Variants in EPS8 observed in about 807,000 individuals in gnomAD.
EPS8 encodes the protein EGFR pathway substrate 8, signaling adaptor, also known as epidermal growth factor receptor kinase substrate 8.
A neutral mutation model predicts 103.8 loss-of-function variants in EPS8; 42 were observed. That is an observed-to-expected ratio of 0.40 (90% CI 0.32 to 0.52). EPS8 has a LOEUF of 0.52. Among genes scored for constraint, EPS8 ranks in the 20% least tolerant of loss-of-function variants. The pLI is 0.40. For missense variants in EPS8, 969 were observed against 1,005.1 expected (o/e 0.96, Z 0.49); for synonymous variants, 344 against 344.6 (o/e 1.00, Z 0.02).
chr12:15,658,250 A>C (rs1481053640), intron 11 of EPS8, 97 bp from the exon 12 acceptor site: 1 of 789,622 alleles, frequency 1.3e-6, no homozygotes, highest in Non-Finnish European at 2.1e-6. Context: ...CTTTACCACC[A>C]GATTCAGTTT....
At chr12:15,657,660 C>T (rs1222501480) in intron 12 of EPS8, among the ~76,000 whole-genome samples, 1 of 152,118 alleles carries the variant, frequency 6.6e-6, no homozygotes, top group Non-Finnish European at 1.5e-5. Flanking sequence ...TGAAGGAACA[C>T]CTCGATAAAA....
At chr12:15,683,154 T>C (rs1946038653) in intron 1 of EPS8, 182 bp from the exon 2 acceptor site, 1 of 396,018 alleles carries the variant, frequency 2.5e-6, no homozygotes, top group Non-Finnish European at 4.4e-6. Context: ...TAAACAAAGA[T>C]CCAACTGGCA....
At chr12:15,750,238 G>A (rs868476227) in intron 1 of EPS8, among the ~76,000 whole-genome samples, 3 of 152,254 alleles carry the variant, frequency 2.0e-5, no homozygotes, top group Middle Eastern at 6.8e-3. Flanking sequence ...AGCAAGCTTG[G>A]CTTTACACTA....
chr12:15,750,740 T>C (rs1015028579), intron 1 of EPS8, among the ~76,000 whole-genome samples: 1 of 152,196 alleles, frequency 6.6e-6, no homozygotes, highest in Non-Finnish European at 1.5e-5. Context: ...TGATACTGAA[T>C]AGAAACATAC....
chr12:15,707,956 A>G (rs1385776023), intron 1 of EPS8, among the ~76,000 whole-genome samples: 3 of 152,138 alleles, frequency 2.0e-5, no homozygotes, highest in African/African-American at 7.2e-5. Flanking sequence ...AAGCCCCAGG[A>G]AAAAAATTCT....
intron 15 of EPS8, 40 bp downstream of exon 15, chr12:15,647,087 T>C (rs1309771999): frequency 1.3e-6 from 2 of 1,589,974 alleles, no homozygotes; most frequent in South Asian, 1.2e-5. Context: ...ATCAGAGACA[T>C]TTATCCACAG....
In EPS8 at chr12:15,771,061, G is replaced by A. The variant is rs1040176925; in HGVS notation, c.-22+18100C>T. On this transcript the variant is annotated intron_variant, in intron 1 of 20. Transcript: ENST00000281172. The surrounding 1 kb of genome is among the most constrained non-coding windows in gnomAD (Gnocchi z 4.6). ...AATTACAGTTCACGAAAGAAAATAA[G>A]TGCCTAGGCGATCCTGAGAAAAAAA... Among the ~76,000 whole-genome samples the A allele has an allele frequency of 1.3e-5, 2 of 152,114 alleles. No individual in the cohort carries two copies. Among genetic ancestry groups the A allele is most frequent in the African/African-American group, 4.8e-5 (2 of 41,410 alleles).
chr12:15,788,550 A>C (rs149190328), intron 1 of EPS8, among the ~76,000 whole-genome samples: 2 of 152,234 alleles, frequency 1.3e-5, no homozygotes, highest in Non-Finnish European at 1.5e-5. Flanking sequence ...AAATGCATGA[A>C]CTGACCACAA....
intron 1 of EPS8, among the ~76,000 whole-genome samples, chr12:15,766,139 A>G (rs1421218251): frequency 6.6e-6 from 1 of 151,806 alleles, no homozygotes; most frequent in Non-Finnish European, 1.5e-5. Flanking sequence ...GAGAAAAAAA[A>G]TACTCTTCAG....
chr12:15,648,937 C>T (rs372938468), intron 14 of EPS8, among the ~76,000 whole-genome samples: 2 of 152,138 alleles, frequency 1.3e-5, no homozygotes, highest in African/African-American at 2.4e-5. Context: ...GTTGTAAATG[C>T]ATTTATTATA....
chr12:15,662,252 T>C, intron 8 of EPS8, 153 bp from the exon 9 acceptor site: 4 of 1,463,856 alleles, frequency 2.7e-6, no homozygotes, highest in Non-Finnish European at 2.7e-6. Context: ...TCATCAGCCA[T>C]GAAATGCATC....
At position 15,726,779 on chromosome 12, in the gene EPS8, T is replaced by C. The variant is rs538818317; in HGVS notation, c.-21-43807A>G. 3.0e-4 allele frequency among the ~76,000 whole-genome samples: 46 copies of C among 152,344 alleles called. 1 individual carries two copies. The South Asian group carries it at 9.1e-3, about 30-fold the overall frequency. ...CCTCCTGAAAGAATGAATAAAGATT[T>C]ACCGAGTGCCTACTATGTAGTGTGT... On this transcript the variant is annotated intron_variant, in intron 1 of 20. Coordinates refer to ENST00000281172, the MANE Select transcript of EPS8 (RefSeq NM_004447.6).
rs1285824466 is a variant in EPS8, at chr12:15,717,304, G to A, written c.-21-34332C>T. Among the ~76,000 whole-genome samples, 1 of 152,146 alleles carries A rather than the reference G, an allele frequency of 6.6e-6. No homozygotes were observed. Among genetic ancestry groups the A allele is most frequent in the Admixed American group, 6.5e-5 (1 of 15,278 alleles). The stretch of plus-strand genomic sequence containing the variant: ...TAAAGGTAGAAAAAACAAAAAAAGG[G>A]AGCCAGGCACAGTGGTTCACACCTG... On this transcript the variant is annotated intron_variant, in intron 1 of 20. Coordinates refer to ENST00000281172, the MANE Select transcript of EPS8 (RefSeq NM_004447.6). This position sits in a 1 kb window ranked among gnomAD's most constrained non-coding sequence, Gnocchi z 4.3.
intron 1 of EPS8, among the ~76,000 whole-genome samples, chr12:15,707,830 A>G (rs971250436): frequency 7.2e-5 from 11 of 152,184 alleles, no homozygotes; most frequent in Non-Finnish European, 1.6e-4. Context: ...AAGTACTATT[A>G]TAACTCACCT....
intron 3 of EPS8, among the ~76,000 whole-genome samples, chr12:15,676,703 T>C (rs1370407895): frequency 6.6e-6 from 1 of 152,208 alleles, no homozygotes; most frequent in Non-Finnish European, 1.5e-5. Context: ...AGTATTCTGA[T>C]AACAGTAGCT....
intron 2 of EPS8, among the ~76,000 whole-genome samples, chr12:15,681,728 CAAAAAAAAAAA>C (rs71042267): frequency 5.1e-5 from 2 of 39,230 alleles, no homozygotes; most frequent in Admixed American, 2.5e-4. Flanking sequence ...GACTCTGTCT[CAAAAAAAAAAA>C]AAAAAAAAAA....
intron 17 of EPS8, among the ~76,000 whole-genome samples, chr12:15,637,876 C>T (rs549352250): frequency 1.3e-5 from 2 of 152,074 alleles, no homozygotes; most frequent in Admixed American, 6.6e-5. Context: ...TGCAGGCTTT[C>T]GGGAAGGATC....
At chr12:15,630,971 G>A (rs1305469022) in intron 18 of EPS8, among the ~76,000 whole-genome samples, 1 of 152,200 alleles carries the variant, frequency 6.6e-6, no homozygotes. Flanking sequence ...GTCCTCAGAA[G>A]GATGGAGAAG....
At chr12:15,659,621 A>G (rs1357615271) in intron 10 of EPS8, among the ~76,000 whole-genome samples, 1 of 152,230 alleles carries the variant, frequency 6.6e-6, no homozygotes, top group Non-Finnish European at 1.5e-5. Context: ...TGCAGAAGAT[A>G]AAGCCAAAGG....
Sources: allele counts gnomAD v4.1 joint callset (sites outside exome capture counted in the v4.1 genomes callset), GRCh38; gene constraint gnomAD v4.1.1; non-coding constraint Gnocchi (gnomAD v3.1); transcripts MANE v1.5; gene names NCBI Gene and HGNC (gene_info 2026-07-23, HGNC 2026-07-21).